The following SMC6 variants were observed in gnomAD, a reference collection of about 807,000 sequenced individuals.
SMC6 encodes the protein structural maintenance of chromosomes protein 6.
Under a neutral mutation model 142.2 loss-of-function variants are expected in SMC6, and 79 were observed. That is an observed-to-expected ratio of 0.56 (90% CI 0.46 to 0.67). SMC6 has a LOEUF of 0.67. Ranked by LOEUF, SMC6 falls within the 30% of genes least tolerant of loss-of-function variation. The pLI, the probability that SMC6 is intolerant of heterozygous loss-of-function variation, is 0.00. For missense variants in SMC6, 1,072 were observed against 1,284.0 expected (o/e 0.83, Z 2.52); for synonymous variants, 411 against 412.4 (o/e 1.00, Z 0.04).
intron 9 of SMC6, among the ~76,000 whole-genome samples, chr2:17,723,502 T>A (rs531505608): frequency 1.7e-4 from 26 of 152,238 alleles, no homozygotes; most frequent in African/African-American, 5.8e-4. Flanking sequence ...CCCCTGAGGC[T>A]TTAACCATGC....
intron 18 of SMC6, among the ~76,000 whole-genome samples, chr2:17,706,782 T>A (rs897242110): frequency 2.0e-5 from 3 of 152,190 alleles, no homozygotes; most frequent in African/African-American, 7.2e-5. Context: ...TCATGTCAGT[T>A]GATCTTCTTT....
Position 17,708,624 on chromosome 2 carries a change from A to G in SMC6, c.1845+15T>C. 1 of 1,346,222 alleles carries G rather than the reference A, an allele frequency of 7.4e-7. No homozygotes were observed. The allele number at this position is 1,346,222 out of a possible 1,614,324, so 83.4% of individuals were successfully genotyped here. A position where few individuals can be genotyped will look rare whatever the true frequency, so the allele number is the denominator to read the frequency against. On this transcript the variant is annotated intron_variant, in intron 17 of 27. Transcript: ENST00000448223. ...AACAATAACATCAAATACAGCAAAG[A>G]TCTGGAGGTCTTACTTTGATTAGTA...
intron 11 of SMC6, among the ~76,000 whole-genome samples, chr2:17,718,532 C>G (rs1290160729): frequency 1.3e-5 from 2 of 152,006 alleles, no homozygotes; most frequent in Non-Finnish European, 2.9e-5. Flanking sequence ...ATTCTGTATA[C>G]AATAATACTA....
chr2:17,718,143 T>C lies in SMC6; in HGVS notation c.1026A>G (p.Arg342=), dbSNP rs750833083. 6.2e-7 allele frequency: 1 copy of C among 1,611,958 alleles called. No homozygotes were observed. Among genetic ancestry groups the C allele is most frequent in the East Asian group, 2.2e-5 (1 of 44,694 alleles). ...LEKISEETNA[R]APECMALKAD... ...CTTTCAATGCCATACATTCTGGTGC[T>C]CGTGCATTTGTCTCTTCACTAATCT... The change falls in exon 12 of 28, where the codon CGA becomes CGG. Residue 342 remains arginine, a synonymous_variant. Transcript: ENST00000448223.
rs535481096 is a variant in SMC6 at position 17,734,077 on chromosome 2, G to A, written c.345-2200C>T. ...CAATTAAGTTAGGATTGTGAGGGAGGTGCACAGAGGAGAGTTGCAGAACAA... is the reference window on the plus strand; with the variant it reads ...CAATTAAGTTAGGATTGTGAGGGAGATGCACAGAGGAGAGTTGCAGAACAA... On this transcript the variant is annotated intron_variant, in intron 5 of 27. Coordinates refer to ENST00000448223, the MANE Select transcript of SMC6 (RefSeq NM_001142286.2). Among the ~76,000 whole-genome samples, 11 of 152,212 alleles carry A rather than the reference G, an allele frequency of 7.2e-5. 1 individual carries two copies. In the South Asian group the frequency reaches 2.1e-3, roughly 29 times the overall value.
chr2:17,671,668 T>C (rs1355444732), intron 25 of SMC6, among the ~76,000 whole-genome samples: 2 of 147,812 alleles, frequency 1.4e-5, no homozygotes, highest in Non-Finnish European at 3.0e-5. Context: ...GAATTCTAAA[T>C]AAAATCTTTT....
Position 17,741,748 on chromosome 2 carries a change from G to A in SMC6, c.121-19C>T, listed in dbSNP as rs772646721. On this transcript the variant is annotated intron_variant, in intron 3 of 27. Transcript: ENST00000448223. ...CTGCAGTCTATTAATAAAAAACAAT[G>A]GGAGAAAATGGTCAATCTAATTCAC... 1.0e-5 allele frequency: 15 copies of A among 1,495,674 alleles called. No individual in the cohort carries two copies. Among genetic ancestry groups the A allele is most frequent in the Non-Finnish European group, 1.1e-5 (12 of 1,082,942 alleles). The allele number at this position is 1,495,674 out of a possible 1,614,324, so 92.7% of individuals were successfully genotyped here.
chr2:17,739,215 T>C (rs1670305188), intron 4 of SMC6, among the ~76,000 whole-genome samples: 1 of 152,140 alleles, frequency 6.6e-6, no homozygotes, highest in Non-Finnish European at 1.5e-5. Flanking sequence ...ATCTAAAATA[T>C]TACAAGCTGA....
chr2:17,672,010 C>T (rs1309519139), intron 25 of SMC6, among the ~76,000 whole-genome samples: 1 of 151,970 alleles, frequency 6.6e-6, no homozygotes, highest in Non-Finnish European at 1.5e-5. Flanking sequence ...TTAATATTAA[C>T]ATTATTAATA....
At chr2:17,720,919 G>C in intron 11 of SMC6, 21 bp downstream of exon 11, 1 of 1,582,150 alleles carries the variant, frequency 6.3e-7, no homozygotes, top group Non-Finnish European at 8.7e-7. Context: ...TATTAAATCT[G>C]CATTTAAAAA....
chr2:17,677,313 C>T (rs1667036877), intron 25 of SMC6, among the ~76,000 whole-genome samples: 1 of 152,168 alleles, frequency 6.6e-6, no homozygotes, highest in Admixed American at 6.5e-5. Context: ...TGCAACTTTC[C>T]TAAGACTTAG....
chr2:17,735,589 C>T (rs1255676266), intron 5 of SMC6, among the ~76,000 whole-genome samples: 1 of 152,146 alleles, frequency 6.6e-6, no homozygotes, highest in Non-Finnish European at 1.5e-5. Flanking sequence ...CCAAGGCTAC[C>T]AGGGTTGGTA....
intron 21 of SMC6, among the ~76,000 whole-genome samples, chr2:17,699,264 G>A (rs908599634): frequency 1.3e-5 from 2 of 151,856 alleles, no homozygotes; most frequent in Non-Finnish European, 2.9e-5. Context: ...AGGTCATTTC[G>A]CACTTGAAAA....
intron 25 of SMC6, among the ~76,000 whole-genome samples, chr2:17,675,311 T>A (rs1666951463): frequency 6.6e-6 from 1 of 152,116 alleles, no homozygotes; most frequent in African/African-American, 2.4e-5. Context: ...CTTTTTGTGC[T>A]ATTGTCATAT....
intron 26 of SMC6, among the ~76,000 whole-genome samples, chr2:17,667,779 G>A (rs1269062034): frequency 6.6e-6 from 1 of 152,194 alleles, no homozygotes; most frequent in Non-Finnish European, 1.5e-5. Flanking sequence ...GAATCCAGGA[G>A]GCGGAGGTCG....
chr2:17,689,776 C>T (rs980604988), intron 23 of SMC6, among the ~76,000 whole-genome samples: 1 of 152,188 alleles, frequency 6.6e-6, no homozygotes, highest in Non-Finnish European at 1.5e-5. Flanking sequence ...CTAGAGATTA[C>T]TTATAATACC....
chr2:17,739,265 T>C (rs564473700), intron 4 of SMC6, among the ~76,000 whole-genome samples: 1 of 152,270 alleles, frequency 6.6e-6, no homozygotes, highest in East Asian at 1.9e-4. Flanking sequence ...TCCCAGCGTT[T>C]TGGGAGGCTG....
chr2:17,747,079 A>G (rs1670788904), intron 2 of SMC6, among the ~76,000 whole-genome samples: 1 of 152,178 alleles, frequency 6.6e-6, no homozygotes, highest in Non-Finnish European at 1.5e-5. Flanking sequence ...GTCAAAGGCT[A>G]TGTAGACAAG....
At chr2:17,690,201 T>C (rs908316605) in intron 23 of SMC6, among the ~76,000 whole-genome samples, 2 of 152,334 alleles carry the variant, frequency 1.3e-5, no homozygotes, top group South Asian at 2.1e-4. Context: ...GAAAAATAAA[T>C]AGCTTTTGCT....
Sources: allele counts gnomAD v4.1 joint callset (sites outside exome capture counted in the v4.1 genomes callset), GRCh38; gene constraint gnomAD v4.1.1; transcripts MANE v1.5; gene names NCBI Gene and HGNC (gene_info 2026-07-23, HGNC 2026-07-21).